Variants in MATN2 observed in about 807,000 individuals in gnomAD.
The protein encoded by MATN2 is matrilin 2, also known as matrilin-2.
A neutral mutation model predicts 103.2 loss-of-function variants in MATN2; 69 were observed. The observed-to-expected ratio is 0.67, with a 90% CI of 0.55 to 0.82. The LOEUF (loss-of-function observed/expected upper bound fraction) is 0.82. MATN2 is among the 40% of genes least tolerant of loss of function. MATN2 has a pLI of 0.00. For synonymous variants in MATN2, 429 were observed against 450.2 expected, an observed-to-expected ratio of 0.95 and a Z score of 0.60; for missense variants, 1,023 against 1,211.5, an observed-to-expected ratio of 0.84 and a Z score of 2.31.
chr8:97,932,769 T>A (rs938269158), intron 3 of MATN2, among the ~76,000 whole-genome samples: 1 of 152,222 alleles, frequency 6.6e-6, no homozygotes, highest in Non-Finnish European at 1.5e-5. Flanking sequence ...GACTTGTCCA[T>A]TCCCAGTGGT....
In MATN2 at chr8:97,945,430, G is replaced by A. The variant is rs556867582; in HGVS notation, c.835+3531G>A. Among the ~76,000 whole-genome samples, 12 of 152,102 alleles carry A rather than the reference G, an allele frequency of 7.9e-5. No homozygotes were observed. The South Asian group carries it at 1.7e-3, about 21-fold the overall frequency. On this transcript the variant is annotated intron_variant, in intron 4 of 18. Coordinates refer to ENST00000254898, the MANE Select transcript of MATN2 (RefSeq NM_002380.5). Reference sequence around the variant, plus strand: ...AAATCCTGTTATGTCCTCACTCTTGGCCATCATTTGAGACTGTCCCATGAC... The same window carrying A: ...AAATCCTGTTATGTCCTCACTCTTGACCATCATTTGAGACTGTCCCATGAC...
At chr8:98,035,217 C>G (rs1027234294) in intron 18 of MATN2, among the ~76,000 whole-genome samples, 1 of 151,912 alleles carries the variant, frequency 6.6e-6, no homozygotes, top group Non-Finnish European at 1.5e-5. Context: ...ATTAGCTGGG[C>G]GTGGTGGCGC....
chr8:98,024,463 C>G (rs1813714058), intron 13 of MATN2, among the ~76,000 whole-genome samples: 1 of 152,214 alleles, frequency 6.6e-6, no homozygotes, highest in African/African-American at 2.4e-5. Flanking sequence ...CAAGATCGCA[C>G]CACTGCACTC....
At chr8:98,003,979 G>A in intron 8 of MATN2, 196 bp downstream of exon 8, 1 of 609,978 alleles carries the variant, frequency 1.6e-6, no homozygotes, top group African/African-American at 1.9e-5. Context: ...AACTTGGGTT[G>A]CAAGGATTAA....
chr8:97,874,444 C>T (rs538516341), intron 1 of MATN2, among the ~76,000 whole-genome samples: 18 of 149,030 alleles, frequency 1.2e-4, no homozygotes, highest in African/African-American at 3.5e-4. Context: ...TTTGCTCTGT[C>T]GCCCGGGCTA....
At chr8:98,000,596 C>CAAAAAAAAAAAAA (rs67682756) in intron 7 of MATN2, among the ~76,000 whole-genome samples, 48 of 49,460 alleles carry the variant, frequency 9.7e-4, no homozygotes, top group South Asian at 1.5e-3. Flanking sequence ...GACTCCGTCT[C>CAAAAAAAAAAAAA]AAAAAAAAAA....
At chr8:97,896,484 C>A (rs1040214019) in intron 2 of MATN2, among the ~76,000 whole-genome samples, 14 of 152,172 alleles carry the variant, frequency 9.2e-5, no homozygotes, top group African/African-American at 3.4e-4. Flanking sequence ...TCAGGCAGGA[C>A]AACAGGGATG....
chr8:97,902,141 A>T (rs1819002843), intron 2 of MATN2, among the ~76,000 whole-genome samples: 1 of 150,446 alleles, frequency 6.6e-6, no homozygotes, highest in Admixed American at 6.6e-5. Context: ...GGGATTAGAG[A>T]TATGAGCCAC....
intron 2 of MATN2, among the ~76,000 whole-genome samples, chr8:97,914,532 G>A (rs1440908529): frequency 6.6e-6 from 1 of 150,968 alleles, no homozygotes; most frequent in Non-Finnish European, 1.5e-5. Context: ...CATTACACCC[G>A]GCTACTTTTT....
Position 97,941,802 on chromosome 8 carries a change from G to A in MATN2, c.738G>A (p.Glu246=), listed in dbSNP as rs1021408550. 6.2e-7 allele frequency: 1 copy of A among 1,606,668 alleles called. No homozygotes were observed. Among genetic ancestry groups the A allele is most frequent in the African/African-American group, 1.3e-5 (1 of 74,958 alleles). ...CGGCCCATATGTGCAGCACCCTGGA[G>A]CATAACTGTGCCCACTTCTGCATCA... ...LCTAHMCSTL[E]HNCAHFCINI... The change falls in exon 4 of 19, where the codon GAG becomes GAA. Residue 246 remains glutamate (E), a synonymous_variant. Coordinates refer to ENST00000254898, the MANE Select transcript of MATN2 (RefSeq NM_002380.5).
At chr8:97,926,441 A>G (rs1388304401) in intron 2 of MATN2, among the ~76,000 whole-genome samples, 8 of 152,294 alleles carry the variant, frequency 5.3e-5, no homozygotes, top group South Asian at 4.2e-4. Context: ...GGTATTTGCA[A>G]AGCTCCTATC....
intron 2 of MATN2, among the ~76,000 whole-genome samples, chr8:97,908,714 C>T (rs376648118): frequency 6.6e-6 from 1 of 152,150 alleles, no homozygotes; most frequent in African/African-American, 2.4e-5. Context: ...TCACTGCAAC[C>T]TCCGCCTCCT....
intron 2 of MATN2, among the ~76,000 whole-genome samples, chr8:97,913,684 GGCTCACT>G (rs1252956977): frequency 6.8e-6 from 1 of 148,108 alleles, no homozygotes; most frequent in Non-Finnish European, 1.5e-5. Context: ...GTACAATCTC[GGCTCACT>G]GCAACCTCTG....
At chr8:97,876,327 TTACAGGCA>T (rs1818069207) in intron 1 of MATN2, among the ~76,000 whole-genome samples, 1 of 151,864 alleles carries the variant, frequency 6.6e-6, no homozygotes, top group Non-Finnish European at 1.5e-5. Context: ...GTAGCTGGGA[TTACAGGCA>T]TGCACCACCA....
At chr8:97,925,257 G>A (rs1195286205) in intron 2 of MATN2, among the ~76,000 whole-genome samples, 1 of 152,142 alleles carries the variant, frequency 6.6e-6, no homozygotes, top group Non-Finnish European at 1.5e-5. Flanking sequence ...GCTGGGATTG[G>A]CCAAGACTCA....
At chr8:97,907,739 C>A (rs1221870073) in intron 2 of MATN2, among the ~76,000 whole-genome samples, 23 of 152,150 alleles carry the variant, frequency 1.5e-4, no homozygotes, top group Admixed American at 1.5e-3. Context: ...ATAATGATAC[C>A]TCCCTCATAG....
chr8:97,940,584 TGA>T (rs1303039277), intron 3 of MATN2, among the ~76,000 whole-genome samples: 5 of 152,330 alleles, frequency 3.3e-5, no homozygotes, highest in African/African-American at 1.2e-4. Context: ...TAATCACAGC[TGA>T]GTTTTCACAA....
chr8:97,879,040 A>G (rs898954623), intron 1 of MATN2, among the ~76,000 whole-genome samples: 5 of 152,198 alleles, frequency 3.3e-5, no homozygotes, highest in African/African-American at 1.2e-4. Flanking sequence ...GTTCAAATTA[A>G]TAATTTTAAA....
Position 97,888,093 on chromosome 8 carries a change from C to A in MATN2, c.-8C>A. 6.2e-7 allele frequency: 1 copy of A among 1,607,476 alleles called. No individual in the cohort carries two copies. ...GTCACAGCCTTGCCCCTCTTGCTCG[C>A]CTTGAAAATGGAAAAGATGCTCGCA... On this transcript the variant is annotated 5_prime_UTR_variant, in exon 2 of 19. Coordinates refer to ENST00000254898, the MANE Select transcript of MATN2 (RefSeq NM_002380.5).
Sources: allele counts gnomAD v4.1 joint callset (sites outside exome capture counted in the v4.1 genomes callset), GRCh38; gene constraint gnomAD v4.1.1; transcripts MANE v1.5; gene names NCBI Gene and HGNC (gene_info 2026-07-23, HGNC 2026-07-21).